Variants in SAMD12 observed in about 807,000 individuals in gnomAD.
The protein encoded by SAMD12 is sterile alpha motif domain containing 12.
SAMD12 carries 9 observed loss-of-function variants against 15.0 expected under a neutral mutation model. The observed-to-expected ratio is 0.60, with a 90% confidence interval of 0.36 to 1.05. The LOEUF (loss-of-function observed/expected upper bound fraction) is 1.05, where lower values mean the gene tolerates loss of function less well. SAMD12 is among the 50% of genes least tolerant of loss of function. The pLI, the probability that SAMD12 is intolerant of heterozygous loss-of-function variation, is 0.01. For synonymous variants in SAMD12, 86 were observed against 90.1 expected (o/e 0.96, Z 0.25); for missense variants, 230 against 234.2 (o/e 0.98, Z 0.12).
At chr8:118,613,816 G>A (rs146482110) in intron 1 of SAMD12, among the ~76,000 whole-genome samples, 7 of 152,256 alleles carry the variant, frequency 4.6e-5, no homozygotes, top group African/African-American at 1.7e-4. Flanking sequence ...GTATGGATGG[G>A]TGATGATCAG....
intron 4 of SAMD12, among the ~76,000 whole-genome samples, chr8:118,254,059 A>G (rs1812875558): frequency 6.6e-6 from 1 of 152,138 alleles, no homozygotes; most frequent in Admixed American, 6.6e-5. Context: ...CATAACAATA[A>G]TAATACTTAA....
the SAMD12 span, among the ~76,000 whole-genome samples, chr8:118,150,773 G>C: frequency 2.6e-5 from 4 of 152,216 alleles, no homozygotes; most frequent in Non-Finnish European, 4.4e-5. Flanking sequence ...TCTTTGTGTA[G>C]ATCCAAATTT....
chr8:118,373,057 T>A (rs756531417), downstream of SAMD12, among the ~76,000 whole-genome samples: 34 of 152,134 alleles, frequency 2.2e-4, no homozygotes, highest in Non-Finnish European at 4.0e-4. Flanking sequence ...GAAATAGAAA[T>A]TTTCTATCTT....
chr8:118,407,980 G>C (rs1364298460), intron 3 of SAMD12, among the ~76,000 whole-genome samples: 1 of 151,978 alleles, frequency 6.6e-6, no homozygotes, highest in Non-Finnish European at 1.5e-5. Context: ...TGAATGATTC[G>C]AGCTCTTAAA....
chr8:118,558,052 T>A (rs1826592541), intron 2 of SAMD12, among the ~76,000 whole-genome samples: 1 of 152,202 alleles, frequency 6.6e-6, no homozygotes, highest in Admixed American at 6.5e-5. Context: ...TTCTTTACTA[T>A]TTTTGCCATT....
intron 4 of SAMD12, among the ~76,000 whole-genome samples, chr8:118,268,315 A>G (rs1174867504): frequency 6.6e-6 from 1 of 152,184 alleles, no homozygotes; most frequent in East Asian, 1.9e-4. Context: ...ATCAATATTT[A>G]GTGTTTACTC....
intron 2 of SAMD12, among the ~76,000 whole-genome samples, chr8:118,547,724 C>T (rs1290141682): frequency 6.6e-6 from 1 of 152,154 alleles, no homozygotes; most frequent in Admixed American, 6.5e-5. Context: ...TCATTTCTAA[C>T]TTTTTTCTAT....
chr8:118,279,415 T>C (rs1283487567), intron 4 of SAMD12, among the ~76,000 whole-genome samples: 2 of 152,226 alleles, frequency 1.3e-5, no homozygotes, highest in Non-Finnish European at 2.9e-5. Context: ...AGATCAAACT[T>C]GGGTGTGCCT....
chr8:118,245,309 G>A (rs897336051), intron 4 of SAMD12, among the ~76,000 whole-genome samples: 4 of 152,110 alleles, frequency 2.6e-5, no homozygotes, highest in African/African-American at 7.2e-5. Flanking sequence ...TCCAGCAACA[G>A]TGAACTTATT....
intron 4 of SAMD12, among the ~76,000 whole-genome samples, chr8:118,369,376 C>T (rs1586614510): frequency 6.6e-6 from 1 of 152,112 alleles, no homozygotes; most frequent in East Asian, 1.9e-4. Context: ...TGAAACTGGA[C>T]CTCTTCCTTA....
At chr8:118,190,067 C>T in exon 5 of SAMD12, 1 of 150,750 alleles carries the variant, frequency 6.6e-6, no homozygotes. Flanking sequence ...GCTGGTTTAA[C>T]TACTCACTTA....
At chr8:118,390,182 T>C (rs555774761) in intron 3 of SAMD12, among the ~76,000 whole-genome samples, 1 of 152,096 alleles carries the variant, frequency 6.6e-6, no homozygotes, top group Admixed American at 6.5e-5. Flanking sequence ...AATGTTTTTG[T>C]ATTTTTTAGT....
chr8:118,371,057 A>G (rs11774073), intron 4 of SAMD12, among the ~76,000 whole-genome samples: 35,194 of 152,056 alleles, frequency 0.23, 4,291 homozygotes, highest in African/African-American at 0.29. Context: ...ATGTCTTTTC[A>G]TGAGTTTTAT....
chr8:118,537,971 G>A (rs926443813), intron 2 of SAMD12, among the ~76,000 whole-genome samples: 7 of 152,138 alleles, frequency 4.6e-5, no homozygotes, highest in African/African-American at 1.7e-4. Context: ...GGGGACTTAG[G>A]TGTTGTGATC....
In SAMD12 at chr8:118,469,593, C is replaced by T. The variant is rs551601917; in HGVS notation, c.193-29632G>A. On this transcript the variant is annotated intron_variant, in intron 2 of 3. Coordinates refer to ENST00000314727, the MANE Select transcript of SAMD12 (RefSeq NM_207506.3). ...ATGTATTTTTTTTGAGGCAGAGTCT[C>T]GCTCTGTCACCCAGGCTAGAGTGCA... is the stretch of plus-strand genomic sequence containing the variant. 6.3e-5 allele frequency among the ~76,000 whole-genome samples: 6 copies of T among 94,798 alleles called. No individual in the cohort carries two copies. In the South Asian group the frequency reaches 1.7e-3, roughly 27 times the overall value. 62.2% of individuals were successfully genotyped at this position (94,798 alleles called of 152,430 possible). A position where few individuals can be genotyped will look rare whatever the true frequency, so the allele number is the denominator to read the frequency against.
At chr8:118,597,668 G>A (rs917406409) in intron 1 of SAMD12, among the ~76,000 whole-genome samples, 3 of 152,170 alleles carry the variant, frequency 2.0e-5, no homozygotes, top group Admixed American at 1.3e-4. Context: ...GAGTACACCA[G>A]GCATTTCACC....
the SAMD12 span, among the ~76,000 whole-genome samples, chr8:118,136,789 G>C: frequency 1.3e-5 from 2 of 152,184 alleles, no homozygotes; most frequent in Admixed American, 1.3e-4. Context: ...AATGGCAGAA[G>C]GAGACTGTAG....
intron 3 of SAMD12, among the ~76,000 whole-genome samples, chr8:118,383,991 T>C (rs1258098685): frequency 1.3e-5 from 2 of 151,924 alleles, no homozygotes; most frequent in Non-Finnish European, 1.5e-5. Flanking sequence ...ATAAGTGCTC[T>C]GAAGAAAAAG....
At chr8:118,534,144 A>G (rs570394308) in intron 2 of SAMD12, among the ~76,000 whole-genome samples, 1 of 152,268 alleles carries the variant, frequency 6.6e-6, no homozygotes, top group South Asian at 2.1e-4. Flanking sequence ...CCTGGTGGTG[A>G]CAAAATCTCT....
Sources: gnomAD v4.1 joint callset for allele counts (sites outside exome capture counted in the v4.1 genomes callset) on GRCh38, gnomAD v4.1.1 for gene constraint, MANE v1.5 for transcripts, NCBI Gene and HGNC (gene_info 2026-07-23, HGNC 2026-07-21) for gene names.